The following MNAT1 variants were observed in gnomAD, a reference collection of about 807,000 sequenced individuals.
The protein encoded by MNAT1 is CDK-activating kinase assembly factor MAT1.
A neutral mutation model predicts 42.0 loss-of-function variants in MNAT1; 43 were observed. That is an observed-to-expected ratio of 1.02 (90% confidence interval 0.80 to 1.32). The LOEUF (loss-of-function observed/expected upper bound fraction) is 1.32, where lower values mean the gene tolerates loss of function less well. Among genes scored for constraint, MNAT1 ranks in the 40% most tolerant of loss-of-function variants. The pLI, the probability that MNAT1 is intolerant of heterozygous loss-of-function variation, is 0.00. For missense variants in MNAT1, 306 were observed against 350.4 expected (o/e 0.87, Z 1.01); for synonymous variants, 118 against 120.0 (o/e 0.98, Z 0.11).
At chr14:60,907,639 G>C (rs534240816) in intron 7 of MNAT1, among the ~76,000 whole-genome samples, 1 of 151,436 alleles carries the variant, frequency 6.6e-6, no homozygotes, top group Non-Finnish European at 1.5e-5. Context: ...AAAATTAGCA[G>C]GGCATGGTGG....
At chr14:60,756,401 A>G (rs1169428696) in intron 1 of MNAT1, among the ~76,000 whole-genome samples, 3 of 152,250 alleles carry the variant, frequency 2.0e-5, no homozygotes, top group African/African-American at 4.8e-5. Context: ...GTTATTGTAC[A>G]TGAAATTCTG....
intron 7 of MNAT1, among the ~76,000 whole-genome samples, chr14:60,943,638 C>G (rs2036219562): frequency 6.6e-6 from 1 of 151,462 alleles, no homozygotes; most frequent in African/African-American, 2.4e-5. Flanking sequence ...AATTCCTAAA[C>G]ATTTCCACCA....
rs4151373 is a variant in MNAT1 at position 60,934,124 on chromosome 14, A to G, written c.810-34105A>G. On this transcript the variant is annotated intron_variant, in intron 7 of 7. Coordinates refer to ENST00000261245, the MANE Select transcript of MNAT1 (RefSeq NM_002431.4). ...CAGAAGTTCAAAGTCCAAGTTGTTG[A>G]CAATTCATTCGTAGAGATGCTGTTA... 5.2e-3 allele frequency among the ~76,000 whole-genome samples: 790 copies of G among 152,320 alleles called. 14 individuals are homozygous for G. The highest frequency in any genetic ancestry group is 0.018 in the African/African-American group (741 of 41,576).
chr14:60,842,513 C>T (rs2033578842), intron 6 of MNAT1, among the ~76,000 whole-genome samples: 1 of 152,148 alleles, frequency 6.6e-6, no homozygotes, highest in Non-Finnish European at 1.5e-5. Flanking sequence ...CTGGCTGTTA[C>T]TCAATTTCTG....
intron 1 of MNAT1, among the ~76,000 whole-genome samples, chr14:60,739,319 G>C (rs1386411473): frequency 2.0e-5 from 3 of 152,088 alleles, no homozygotes; most frequent in African/African-American, 7.2e-5. Flanking sequence ...ACACAAGAGT[G>C]TGAATACCAA....
intron 3 of MNAT1, among the ~76,000 whole-genome samples, chr14:60,807,285 G>A (rs959256017): frequency 2.0e-5 from 3 of 152,228 alleles, no homozygotes; most frequent in East Asian, 1.9e-4. Context: ...TTGGTCCTCC[G>A]GTGTTACTTT....
At chr14:60,894,774 A>C (rs1160526662) in intron 7 of MNAT1, among the ~76,000 whole-genome samples, 1 of 152,106 alleles carries the variant, frequency 6.6e-6, no homozygotes, top group African/African-American at 2.4e-5. Context: ...AGATCCTAGA[A>C]GTAGACTTTT....
intron 7 of MNAT1, among the ~76,000 whole-genome samples, chr14:60,920,556 A>T (rs534695412): frequency 6.6e-6 from 1 of 152,060 alleles, no homozygotes; most frequent in African/African-American, 2.4e-5. Flanking sequence ...AGTAGCTGGG[A>T]TTACAGGTGC....
intron 7 of MNAT1, among the ~76,000 whole-genome samples, chr14:60,934,433 T>A (rs1279522960): frequency 6.6e-6 from 1 of 152,170 alleles, no homozygotes. Context: ...AAATCTTATC[T>A]CGAATTTCCA....
Position 60,859,700 on chromosome 14 carries a change from T to A in MNAT1, c.688-20014T>A, listed in dbSNP as rs556939779. On this transcript the variant is annotated intron_variant, in intron 6 of 7. Transcript: ENST00000261245. The stretch of plus-strand genomic sequence containing the variant: ...AATAGTATAATCAGAACCAGAGGTC[T>A]GCTGAGTAAAATCATGCAGTTCAGT... Among the ~76,000 whole-genome samples, 11 of 152,352 alleles carry A rather than the reference T, an allele frequency of 7.2e-5. No individual in the cohort carries two copies. In the South Asian group the frequency reaches 1.9e-3, roughly 26 times the overall value.
intron 7 of MNAT1, among the ~76,000 whole-genome samples, chr14:60,891,178 CT>C (rs1198181274): frequency 6.6e-6 from 1 of 151,920 alleles, no homozygotes; most frequent in Non-Finnish European, 1.5e-5. Flanking sequence ...CTCCTTTTTC[CT>C]TAGTCTATTT....
rs550741519 is a variant in MNAT1, at chr14:60,958,487, G to A, written c.810-9742G>A. On this transcript the variant is annotated intron_variant, in intron 7 of 7. Coordinates refer to ENST00000261245, the MANE Select transcript of MNAT1 (RefSeq NM_002431.4). ...GAAAATTTGATTATAATGTGTCTTG[G>A]TGAAGTCTTCTCTGGGTTGAATCTG... is the stretch of plus-strand genomic sequence containing the variant. 2.0e-5 allele frequency among the ~76,000 whole-genome samples: 3 copies of A among 151,858 alleles called. No homozygotes were observed. The East Asian group carries it at 5.8e-4, about 29-fold the overall frequency.
At position 60,796,371 on chromosome 14, in the gene MNAT1, T is replaced by G; in HGVS notation, c.242+2T>G. 1 of 1,608,838 alleles carries G rather than the reference T, an allele frequency of 6.2e-7. No individual in the cohort carries two copies. Among genetic ancestry groups the G allele is most frequent in the Non-Finnish European group, 8.5e-7 (1 of 1,177,490 alleles). On this transcript the variant is annotated splice_donor_variant, in intron 2 of 7. Coordinates refer to ENST00000261245, the MANE Select transcript of MNAT1 (RefSeq NM_002431.4). LOFTEE classifies it high-confidence loss of function. ...GATCAGGAAAAAAGTGCTAAAGATG[T>G]AAGTATTCCTGCTCGAATGATTCAG...
chr14:60,758,998 C>T (rs956103923), intron 1 of MNAT1, among the ~76,000 whole-genome samples: 1 of 152,126 alleles, frequency 6.6e-6, no homozygotes, highest in Non-Finnish European at 1.5e-5. Flanking sequence ...GACACACAGA[C>T]CCCACATCAT....
At chr14:60,922,387 G>C (rs2035680449) in intron 7 of MNAT1, among the ~76,000 whole-genome samples, 1 of 152,144 alleles carries the variant, frequency 6.6e-6, no homozygotes, top group South Asian at 2.1e-4. Context: ...ACTTTTCTTA[G>C]AGTAACATTA....
At chr14:60,876,038 G>C (rs2034429327) in intron 6 of MNAT1, among the ~76,000 whole-genome samples, 1 of 148,276 alleles carries the variant, frequency 6.7e-6, no homozygotes, top group Non-Finnish European at 1.5e-5. Flanking sequence ...TACCCCCATA[G>C]CTAAAACATG....
At chr14:60,809,579 C>T (rs913620546) in intron 4 of MNAT1, among the ~76,000 whole-genome samples, 2 of 151,888 alleles carry the variant, frequency 1.3e-5, no homozygotes, top group Non-Finnish European at 2.9e-5. Flanking sequence ...CATGAAAGGG[C>T]GTTACATTTT....
chr14:60,920,607 A>G (rs917518983), intron 7 of MNAT1, among the ~76,000 whole-genome samples: 6 of 151,596 alleles, frequency 4.0e-5, no homozygotes, highest in Non-Finnish European at 7.4e-5. Context: ...TGCCCAGTTA[A>G]TTTTTTTGTA....
chr14:60,892,862 A>G (rs1437633362), intron 7 of MNAT1, among the ~76,000 whole-genome samples: 2 of 152,110 alleles, frequency 1.3e-5, no homozygotes, highest in African/African-American at 4.8e-5. Flanking sequence ...CTGCTTTTAA[A>G]CAGTTCTGTC....
Sources: gnomAD v4.1 joint callset for allele counts (sites outside exome capture counted in the v4.1 genomes callset) on GRCh38, gnomAD v4.1.1 for gene constraint, MANE v1.5 for transcripts, NCBI Gene and HGNC (gene_info 2026-07-23, HGNC 2026-07-21) for gene names.